The following CHN1 variants were observed in gnomAD, a reference collection of about 807,000 sequenced individuals.
CHN1 encodes N-chimaerin.
In CHN1, 37 loss-of-function variants were observed where a neutral mutation model predicts 59.5. The ratio of observed to expected loss-of-function variants is 0.62; its 90% CI spans 0.48 to 0.82. CHN1 has a LOEUF of 0.82. Among genes scored for constraint, CHN1 ranks in the 40% least tolerant of loss-of-function variants. CHN1 has a pLI of 0.00. For synonymous variants in CHN1, 206 were observed against 200.4 expected, an observed-to-expected ratio of 1.03 and a Z score of -0.24; for missense variants, 469 against 571.0, an observed-to-expected ratio of 0.82 and a Z score of 1.82.
At chr2:174,913,788 T>TA (rs1386007217) in intron 5 of CHN1, among the ~76,000 whole-genome samples, 1 of 152,162 alleles carries the variant, frequency 6.6e-6, no homozygotes, top group African/African-American at 2.4e-5. Context: ...CTCACACAGG[T>TA]ATAAGTGATT....
At chr2:174,806,777 C>T (rs1035147763) in intron 11 of CHN1, among the ~76,000 whole-genome samples, 1 of 152,172 alleles carries the variant, frequency 6.6e-6, no homozygotes, top group Non-Finnish European at 1.5e-5. Flanking sequence ...TCCTTGTCTG[C>T]CTTTTAAGAG....
At chr2:174,975,289 A>AT (rs906793326) in intron 1 of CHN1, among the ~76,000 whole-genome samples, 7 of 152,168 alleles carry the variant, frequency 4.6e-5, no homozygotes, top group Non-Finnish European at 1.0e-4. Context: ...CATTTCTTAG[A>AT]TTTTTTTAAT....
intron 5 of CHN1, among the ~76,000 whole-genome samples, chr2:174,903,480 C>T (rs1212881724): frequency 6.6e-6 from 1 of 151,964 alleles, no homozygotes; most frequent in East Asian, 1.9e-4. Flanking sequence ...TGACCAGTTT[C>T]TGGAAGGATA....
At chr2:174,882,834 T>TA (rs1687777245) in intron 5 of CHN1, among the ~76,000 whole-genome samples, 2 of 152,266 alleles carry the variant, frequency 1.3e-5, no homozygotes, top group South Asian at 2.1e-4. Context: ...AGAAATAAAA[T>TA]ATGATGATGC....
intron 6 of CHN1, among the ~76,000 whole-genome samples, chr2:174,856,061 T>C (rs1053827858): frequency 3.3e-5 from 5 of 152,140 alleles, no homozygotes; most frequent in Admixed American, 1.3e-4. Flanking sequence ...CTTTTACTAC[T>C]GCTGTATTTG....
At chr2:174,898,147 C>T (rs1242798148) in intron 5 of CHN1, among the ~76,000 whole-genome samples, 1 of 152,102 alleles carries the variant, frequency 6.6e-6, no homozygotes, top group East Asian at 1.9e-4. Flanking sequence ...AAGTCTGGTG[C>T]CTTGCAGCTA....
rs574941558 is a variant in CHN1, at chr2:174,901,064, C to T, written c.260+13994G>A. On this transcript the variant is annotated intron_variant, in intron 5 of 12. Transcript: ENST00000409900. ...AAGAGGTTACTAAGAGAAAAGGTAA[C>T]AAGTAACTTTCTTGTGTGCATCCAC... Among the ~76,000 whole-genome samples, 8 of 152,274 alleles carry T rather than the reference C, an allele frequency of 5.3e-5. No homozygotes were observed. The East Asian group carries it at 1.5e-3, about 29-fold the overall frequency.
chr2:174,824,437 C>T lies in CHN1; in HGVS notation c.709G>A (p.Ala237Thr). The T allele has an allele frequency of 6.2e-7, 1 of 1,602,404 alleles. No homozygotes were observed. The highest frequency in any genetic ancestry group is 8.5e-7 in the Non-Finnish European group (1 of 1,174,238). The change falls in exon 8 of 13, where the codon GCA becomes ACA. Residue 237 changes from alanine to threonine, a missense_variant. Physicochemically the swap from Ala to Thr is moderately conservative, Grantham distance 58 (BLOSUM62 0). Coordinates refer to ENST00000409900, the MANE Select transcript of CHN1 (RefSeq NM_001822.7). ...WGLIAQGVKC[A>T]DCGLNVHKQC... is the part of the protein sequence containing the mutation. Reference sequence around the variant, plus strand: ...GAGACAAGACAAGAGCTCTTACCTGCACATTTCACTCCCTGAGCAATGAGA... The same window carrying T: ...GAGACAAGACAAGAGCTCTTACCTGTACATTTCACTCCCTGAGCAATGAGA...
At chr2:174,994,859 T>C (rs941572110) in intron 1 of CHN1, among the ~76,000 whole-genome samples, 3 of 152,192 alleles carry the variant, frequency 2.0e-5, no homozygotes, top group African/African-American at 7.2e-5. Flanking sequence ...TAGTCTTATA[T>C]ACAAGCTAGG....
chr2:174,981,721 AT>A lies in CHN1; in HGVS notation c.19+23172del, dbSNP rs1296371918. ...ATTAACTTAGGAAGCAATTGTAAAT[AT>A]TTTTTTCCTGATGATATGAAATACT... On this transcript the variant is annotated intron_variant, in intron 1 of 12. Transcript: ENST00000409900. Among the ~76,000 whole-genome samples the A allele has an allele frequency of 2.6e-5, 4 of 152,104 alleles. No homozygotes were observed. In the South Asian group the frequency reaches 6.2e-4, roughly 24 times the overall value.
chr2:174,834,922 A>G (rs759954937), intron 7 of CHN1, among the ~76,000 whole-genome samples: 2 of 152,198 alleles, frequency 1.3e-5, no homozygotes. Flanking sequence ...ATAAAACTTA[A>G]GAGAAACCAA....
intron 3 of CHN1, among the ~76,000 whole-genome samples, chr2:174,941,451 T>G (rs1689661068): frequency 6.6e-6 from 1 of 152,190 alleles, no homozygotes; most frequent in Non-Finnish European, 1.5e-5. Flanking sequence ...GTATACTTTC[T>G]AATTGTGTCC....
rs140145915 is a variant in CHN1, at chr2:174,959,304, T to G, written c.20-7102A>C. ...AAAAATTATTTTGGCCTTTCTTATGTTTATGGGTAGAGACCTTAGATCACT... is the reference window on the plus strand; with the variant it reads ...AAAAATTATTTTGGCCTTTCTTATGGTTATGGGTAGAGACCTTAGATCACT... On this transcript the variant is annotated intron_variant, in intron 1 of 12. Transcript: ENST00000409900. 4.0e-3 allele frequency among the ~76,000 whole-genome samples: 609 copies of G among 152,280 alleles called. 3 individuals carry two copies. The highest frequency in any genetic ancestry group is 0.02 in the South Asian group (95 of 4,826).
chr2:174,857,167 G>C (rs920464890), intron 6 of CHN1, among the ~76,000 whole-genome samples: 22 of 152,182 alleles, frequency 1.4e-4, no homozygotes, highest in African/African-American at 5.3e-4. Flanking sequence ...GGAGCAAGTA[G>C]AGTGAGATAA....
intron 8 of CHN1, chr2:174,821,899 G>A (rs1049580383): frequency 1.9e-5 from 5 of 268,088 alleles, no homozygotes; most frequent in Non-Finnish European, 3.1e-5. Context: ...CATTCTTCGT[G>A]CCATGAAAGG....
At chr2:174,982,470 A>AT (rs1691187232) in intron 1 of CHN1, among the ~76,000 whole-genome samples, 1 of 152,120 alleles carries the variant, frequency 6.6e-6, no homozygotes, top group Non-Finnish European at 1.5e-5. Context: ...TTGTTTCCTG[A>AT]CTTTTTAATG....
intron 3 of CHN1, among the ~76,000 whole-genome samples, chr2:174,930,779 T>TA (rs1247889299): frequency 6.6e-6 from 1 of 152,132 alleles, no homozygotes; most frequent in African/African-American, 2.4e-5. Flanking sequence ...TTTTTTTTTT[T>TA]TTTGAGACGG....
chr2:174,941,981 T>C (rs1183167944), intron 3 of CHN1, among the ~76,000 whole-genome samples: 1 of 152,182 alleles, frequency 6.6e-6, no homozygotes, highest in East Asian at 1.9e-4. Flanking sequence ...GTCACCCCAG[T>C]TAGTACAGCT....
At chr2:174,983,928 C>A (rs1158032347) in intron 1 of CHN1, among the ~76,000 whole-genome samples, 11 of 152,124 alleles carry the variant, frequency 7.2e-5, no homozygotes, top group Admixed American at 5.2e-4. Context: ...TACATTTTCA[C>A]AAGAGATGAT....
Sources: gnomAD v4.1 joint callset for allele counts (sites outside exome capture counted in the v4.1 genomes callset) on GRCh38, gnomAD v4.1.1 for gene constraint, MANE v1.5 for transcripts, NCBI Gene and HGNC (gene_info 2026-07-23, HGNC 2026-07-21) for gene names.